DSE: variants seen among roughly 807,000 people sequenced by gnomAD.
The protein encoded by DSE is dermatan sulfate epimerase.
DSE carries 36 observed loss-of-function variants against 84.4 expected under a neutral mutation model. The ratio of observed to expected loss-of-function variants is 0.43; its 90% CI spans 0.33 to 0.56. DSE has a LOEUF of 0.56. Ranked by LOEUF, DSE falls within the 20% of genes least tolerant of loss-of-function variation. The probability of loss-of-function intolerance (pLI) is 0.06; values close to 1 mark genes in which losing one functional copy is unlikely to be tolerated. For missense variants in DSE, 862 were observed against 1,169.6 expected (o/e 0.74, Z 3.84); for synonymous variants, 410 against 430.1 (o/e 0.95, Z 0.58).
intron 2 of DSE, among the ~76,000 whole-genome samples, chr6:116,426,247 G>T (rs1341370168): frequency 1.3e-5 from 2 of 152,214 alleles, no homozygotes; most frequent in Non-Finnish European, 2.9e-5. Flanking sequence ...GTATTCCAGA[G>T]AATTTTGCCC....
chr6:116,264,733 C>T (rs1274794782), intron 2 of DSE, among the ~76,000 whole-genome samples: 1 of 151,914 alleles, frequency 6.6e-6, no homozygotes, highest in Non-Finnish European at 1.5e-5. Flanking sequence ...AGGTTGCTGA[C>T]CTTTGGATGG....
At chr6:116,300,446 C>T (rs1774966441) in intron 2 of DSE, among the ~76,000 whole-genome samples, 1 of 152,092 alleles carries the variant, frequency 6.6e-6, no homozygotes, top group Non-Finnish European at 1.5e-5. Flanking sequence ...TTTTATCCTG[C>T]TTGTTGATAA....
intron 2 of DSE, among the ~76,000 whole-genome samples, chr6:116,307,685 A>G (rs954294386): frequency 4.6e-5 from 7 of 152,176 alleles, no homozygotes; most frequent in African/African-American, 1.7e-4. Context: ...TAATTTTTTT[A>G]TACAGTCCCC....
intron 2 of DSE, among the ~76,000 whole-genome samples, chr6:116,340,553 A>C (rs2114817700): frequency 6.6e-6 from 1 of 152,180 alleles, no homozygotes; most frequent in Admixed American, 6.5e-5. Flanking sequence ...GGTTTGATAC[A>C]TAGGTATACA....
At chr6:116,279,315 G>T (rs1242585288) in intron 2 of DSE, 2 of 1,598,914 alleles carry the variant, frequency 1.3e-6, no homozygotes, top group Non-Finnish European at 1.7e-6. Context: ...CCACCTCAGC[G>T]CTCTCCCTCT....
chr6:116,283,669 G>A (rs1031682090), intron 2 of DSE, among the ~76,000 whole-genome samples: 1 of 151,826 alleles, frequency 6.6e-6, no homozygotes, highest in Non-Finnish European at 1.5e-5. Flanking sequence ...TCAGCCTCCC[G>A]TGTAGCTGGG....
chr6:116,361,021 A>G (rs1778855857), intron 2 of DSE, among the ~76,000 whole-genome samples: 1 of 152,204 alleles, frequency 6.6e-6, no homozygotes, highest in Non-Finnish European at 1.5e-5. Context: ...TTTATATTCT[A>G]ATATTAAAAG....
chr6:116,398,238 G>A lies in DSE; in HGVS notation c.-53-960G>A, dbSNP rs1433451168. 2.0e-5 allele frequency among the ~76,000 whole-genome samples: 3 copies of A among 152,128 alleles called. No homozygotes were observed. The East Asian group carries it at 5.8e-4, about 29-fold the overall frequency. The stretch of plus-strand genomic sequence containing the variant: ...GATGTGGGACATTGACTAGGCTGAG[G>A]TTTTGGGGATTTTATTTTATTTTTT... On this transcript the variant is annotated intron_variant, in intron 1 of 5. Coordinates refer to ENST00000644252, the MANE Select transcript of DSE (RefSeq NM_013352.4).
intron 1 of DSE, among the ~76,000 whole-genome samples, chr6:116,258,292 A>G (rs1221733857): frequency 6.6e-6 from 1 of 152,210 alleles, no homozygotes; most frequent in Non-Finnish European, 1.5e-5. Context: ...CTGGGATTAC[A>G]GGTGTGAGCC....
rs1412013141 is a variant in DSE, at chr6:116,276,926, C to T, written c.-54+17959C>T. ...AACCATACTTTTGTAGATTATTTTT[C>T]CATGAAGGCAATTTGACAAGCCTAA... On this transcript the variant is annotated intron_variant, in intron 2 of 3. Transcript: ENST00000430252. 5 of 152,132 alleles carry T rather than the reference C, an allele frequency of 3.3e-5. No homozygotes were observed. In the East Asian group the frequency reaches 9.6e-4, roughly 29 times the overall value. 9.4% of individuals were successfully genotyped at this position (152,132 alleles called of 1,614,324 possible).
chr6:116,328,257 T>G (rs534872727), intron 2 of DSE, among the ~76,000 whole-genome samples: 2 of 152,378 alleles, frequency 1.3e-5, no homozygotes, highest in African/African-American at 4.8e-5. Flanking sequence ...ATGCTGTTTT[T>G]TCCAGTTATT....
At chr6:116,404,810 G>T (rs189623567) in intron 2 of DSE, among the ~76,000 whole-genome samples, 2 of 152,244 alleles carry the variant, frequency 1.3e-5, no homozygotes, top group African/African-American at 4.8e-5. Context: ...AGTATTTGTT[G>T]TGACTCTTTA....
intron 2 of DSE, among the ~76,000 whole-genome samples, chr6:116,286,495 G>A (rs2114660376): frequency 6.6e-6 from 1 of 152,208 alleles, no homozygotes; most frequent in East Asian, 1.9e-4. Flanking sequence ...AACTCTATCA[G>A]ACTGAATGCC....
At chr6:116,292,607 G>A (rs1774359768) in intron 2 of DSE, among the ~76,000 whole-genome samples, 1 of 152,134 alleles carries the variant, frequency 6.6e-6, no homozygotes, top group African/African-American at 2.4e-5. Flanking sequence ...TTTGTAGGGA[G>A]CAGCATTGTT....
At chr6:116,356,898 A>G (rs562788639) in intron 2 of DSE, among the ~76,000 whole-genome samples, 2 of 152,220 alleles carry the variant, frequency 1.3e-5, no homozygotes, top group Non-Finnish European at 2.9e-5. Context: ...TTCTGTTTGC[A>G]TAACTAATGC....
intron 2 of DSE, among the ~76,000 whole-genome samples, chr6:116,312,108 C>G (rs1371485220): frequency 6.6e-6 from 1 of 152,052 alleles, no homozygotes; most frequent in Non-Finnish European, 1.5e-5. Flanking sequence ...AGATAGGGAC[C>G]TTAGAGGTCA....
chr6:116,287,111 A>G (rs747699575), intron 2 of DSE, among the ~76,000 whole-genome samples: 18 of 152,122 alleles, frequency 1.2e-4, no homozygotes, highest in Non-Finnish European at 2.2e-4. Context: ...TCAAAAAAGT[A>G]CTGACATCAA....
rs1782768391 is a variant in DSE, at chr6:116,417,158, T to A, written c.417-9416T>A. The stretch of plus-strand genomic sequence containing the variant: ...ATTTGAATAATTTTTACTTATCATG[T>A]TTCTTCCTCTCACCTTTTGTAGGTT... On this transcript the variant is annotated intron_variant, in intron 2 of 5. Coordinates refer to ENST00000644252, the MANE Select transcript of DSE (RefSeq NM_013352.4). 1.3e-5 allele frequency among the ~76,000 whole-genome samples: 2 copies of A among 152,230 alleles called. 1 individual carries two copies. The highest frequency in any genetic ancestry group is 4.1e-4 in the South Asian group (2 of 4,834).
chr6:116,321,809 TAAGTA>T, intron 2 of DSE, among the ~76,000 whole-genome samples: 1 of 152,266 alleles, frequency 6.6e-6, no homozygotes, highest in Admixed American at 6.5e-5. Context: ...TACAGTTCTT[TAAGTA>T]GTGTCTGCCT....
Sources: gnomAD v4.1 joint callset for allele counts (sites outside exome capture counted in the v4.1 genomes callset) on GRCh38, gnomAD v4.1.1 for gene constraint, MANE v1.5 for transcripts, NCBI Gene and HGNC (gene_info 2026-07-23, HGNC 2026-07-21) for gene names.